The following EIF4A1 variants were observed in gnomAD, a reference collection of about 807,000 sequenced individuals.
EIF4A1 encodes eukaryotic initiation factor 4A-I.
EIF4A1 carries 11 observed loss-of-function variants against 53.5 expected under a neutral mutation model. The observed-to-expected ratio is 0.21, with a 90% CI of 0.13 to 0.34. EIF4A1 has a LOEUF of 0.34. EIF4A1 is among the 10% of genes least tolerant of loss of function. The probability of loss-of-function intolerance (pLI) is 1.00; values close to 1 mark genes in which losing one functional copy is unlikely to be tolerated. For synonymous variants in EIF4A1, 237 were observed against 186.7 expected (o/e 1.27, Z -2.20); for missense variants, 213 against 530.8 (o/e 0.40, Z 5.88).
At chr17:7,574,424 AGGG>A in intron 2 of EIF4A1, 116 bp downstream of exon 2, 1 of 1,604,444 alleles carries the variant, frequency 6.2e-7, no homozygotes, top group Non-Finnish European at 8.5e-7. Context: ...GTTTCCCTAA[AGGG>A]AGGAGGGTTG....
rs1366669109 is a variant in EIF4A1 at position 7,577,207 on chromosome 17, A to C, written c.624+42A>C. The C allele has an allele frequency of 8.9e-6, 14 of 1,567,598 alleles. No individual in the cohort carries two copies. Among genetic ancestry groups the C allele is most frequent in the South Asian group, 1.2e-5 (1 of 82,408 alleles). On this transcript the variant is annotated intron_variant, in intron 6 of 10. Coordinates refer to ENST00000293831, the MANE Select transcript of EIF4A1 (RefSeq NM_001416.4). The surrounding 1 kb of genome is among the most constrained non-coding windows in gnomAD (Gnocchi z 4.7). ...TTGAATAGCTAATGATTCTTGAAAA[A>C]TAGTAAGTGCCAGGGGAACCATATA...
chr17:7,577,481 A>G lies in EIF4A1; in HGVS notation c.762A>G (p.Glu254=), dbSNP rs1051155483. 6.2e-7 allele frequency: 1 copy of G among 1,613,990 alleles called. No individual in the cohort carries two copies. Among genetic ancestry groups the G allele is most frequent in the African/African-American group, 1.3e-5 (1 of 74,900 alleles). ...EGIRQFYINV[E]REEWKLDTLC... ...TCCGCCAGTTCTACATCAACGTGGA[A>G]CGAGAGGTGGGGCCCAGTGCAGGAG... Residue 254 remains glutamate, a synonymous_variant, in exon 7 of 11, where the codon GAA becomes GAG. Coordinates refer to ENST00000293831, the MANE Select transcript of EIF4A1 (RefSeq NM_001416.4). This position sits in a 1 kb window ranked among gnomAD's most constrained non-coding sequence, Gnocchi z 4.7.
At position 7,578,700 on chromosome 17, in the gene EIF4A1, CAAAAAA is replaced by C; in HGVS notation, c.*225_*230del. 2 of 249,652 alleles carry C rather than the reference CAAAAAA, an allele frequency of 8.0e-6. No individual in the cohort carries two copies. The highest frequency in any genetic ancestry group is 5.2e-5 in the African/African-American group (2 of 38,230). The allele number at this position is 249,652 out of a possible 1,614,324, so 15.5% of individuals were successfully genotyped here. A position where few individuals can be genotyped will look rare whatever the true frequency, so the allele number is the denominator to read the frequency against. The stretch of plus-strand genomic sequence containing the variant: ...TTGCCCCAGGCGCCGGCTCTTCTCC[CAAAAAA>C]AAAAAAAAAACACTAATCCATTTCC... On this transcript the variant is annotated 3_prime_UTR_variant, in exon 11 of 11. Transcript: ENST00000293831.
At chr17:7,576,275 T>C (rs1597850121) in intron 4 of EIF4A1, 2 of 384,632 alleles carry the variant, frequency 5.2e-6, no homozygotes, top group Non-Finnish European at 9.2e-6. Flanking sequence ...GAATTAATTA[T>C]CTGAGCGGCC....
rs762627348 is a variant in EIF4A1 at position 7,578,502 on chromosome 17, C to T, written c.*16C>T. ...CCTCATCTGAGGGGCTGTCCTGCCACCCAGCCCCAGCCAGGGCTCAATCTC... is the reference window on the plus strand; with the variant it reads ...CCTCATCTGAGGGGCTGTCCTGCCATCCAGCCCCAGCCAGGGCTCAATCTC... On this transcript the variant is annotated 3_prime_UTR_variant, in exon 11 of 11. Transcript: ENST00000293831. 25 of 1,561,016 alleles carry T rather than the reference C, an allele frequency of 1.6e-5. No homozygotes were observed. Among genetic ancestry groups the T allele is most frequent in the Non-Finnish European group, 2.2e-5 (25 of 1,150,818 alleles).
At chr17:7,575,936 G>GC (rs984063662) in intron 4 of EIF4A1, 1 of 160,254 alleles carries the variant, frequency 6.2e-6, no homozygotes, top group Non-Finnish European at 1.4e-5. Context: ...ACTTTGGGAG[G>GC]CCAAGGCAGG....
intron 4 of EIF4A1, 72 bp from the exon 5 acceptor site, chr17:7,576,452 A>G: frequency 2.0e-6 from 3 of 1,480,012 alleles, no homozygotes; most frequent in Middle Eastern, 1.8e-4. Flanking sequence ...GAATCAATAC[A>G]TGAAAAACAT....
In EIF4A1 at chr17:7,572,875, C is replaced by T. The variant is rs765796609; in HGVS notation, c.23+11C>T. 5 of 1,614,172 alleles carry T rather than the reference C, an allele frequency of 3.1e-6. No homozygotes were observed. Among genetic ancestry groups the T allele is most frequent in the Admixed American group, 1.7e-5 (1 of 60,026 alleles). ...GAGCCAGGATTCCCGGTAAGAAAGG[C>T]ATTTGCAAGAGATTGTGGCTGCTTA... On this transcript the variant is annotated intron_variant, in intron 1 of 10. Coordinates refer to ENST00000293831, the MANE Select transcript of EIF4A1 (RefSeq NM_001416.4).
intron 1 of EIF4A1, chr17:7,573,105 C>T (rs2071346314): frequency 3.2e-6 from 2 of 634,136 alleles, no homozygotes; most frequent in Admixed American, 2.9e-5. Flanking sequence ...GAGGCCTCGA[C>T]CCGAGGCGGT....
Position 7,578,685 on chromosome 17 carries a change from C to T in EIF4A1, c.*199C>T, listed in dbSNP as rs970585586. ...CTTTGGGGTAGGCTCTTGCCCCAGG[C>T]GCCGGCTCTTCTCCCAAAAAAAAAA... On this transcript the variant is annotated 3_prime_UTR_variant, in exon 11 of 11. Transcript: ENST00000293831. 8 of 444,378 alleles carry T rather than the reference C, an allele frequency of 1.8e-5. No individual in the cohort carries two copies. The highest frequency in any genetic ancestry group is 3.9e-5 in the East Asian group (1 of 25,620). The allele number at this position is 444,378 out of a possible 1,614,324, so 27.5% of individuals were successfully genotyped here.
intron 5 of EIF4A1, 175 bp from the exon 6 acceptor site, chr17:7,576,881 C>G (rs1567734785): frequency 1.5e-6 from 2 of 1,340,522 alleles, no homozygotes; most frequent in Non-Finnish European, 2.1e-6. Context: ...TGGCAGTGTC[C>G]TACTTCCCAG....
chr17:7,578,046 G>A (rs1463378463), intron 9 of EIF4A1, 119 bp from the exon 10 acceptor site: 2 of 1,567,788 alleles, frequency 1.3e-6, no homozygotes. Flanking sequence ...GGCCTTTGGG[G>A]AACTGGGATG....
chr17:7,572,975 G>T, intron 1 of EIF4A1, 111 bp downstream of exon 1: 1 of 1,594,630 alleles, frequency 6.3e-7, no homozygotes, highest in Non-Finnish European at 8.6e-7. Flanking sequence ...AAACCGAACC[G>T]GGTGGGGGGA....
At position 7,577,519 on chromosome 17, in the gene EIF4A1, G is replaced by C; in HGVS notation, c.768+32G>C. 6.2e-7 allele frequency: 1 copy of C among 1,613,724 alleles called. No homozygotes were observed. The highest frequency in any genetic ancestry group is 1.1e-5 in the South Asian group (1 of 91,042). ...CCCAGTGCAGGAGGCGGGCCTGGTAGTGAGTTGTTGGGTATAGCCCCTGAC... is the reference window on the plus strand; with the variant it reads ...CCCAGTGCAGGAGGCGGGCCTGGTACTGAGTTGTTGGGTATAGCCCCTGAC... On this transcript the variant is annotated intron_variant, in intron 7 of 10. Coordinates refer to ENST00000293831, the MANE Select transcript of EIF4A1 (RefSeq NM_001416.4). This position sits in a 1 kb window ranked among gnomAD's most constrained non-coding sequence, Gnocchi z 4.7.
At chr17:7,578,277 TTCAC>T in intron 10 of EIF4A1, 33 bp downstream of exon 10, 1 of 1,614,082 alleles carries the variant, frequency 6.2e-7, no homozygotes, top group Non-Finnish European at 8.5e-7. Context: ...CCCCTACCCC[TTCAC>T]ACCTGGCCCT....
chr17:7,573,153 G>A (rs1241428842), intron 1 of EIF4A1: 2 of 573,454 alleles, frequency 3.5e-6, no homozygotes, highest in Non-Finnish European at 6.2e-6. Context: ...GGCGAGACGG[G>A]GTCGCGACCT....
rs988768216 is a variant in EIF4A1, at chr17:7,575,504, CTG to C, written c.345+250_345+251del. ...AGCCTGGCTGGCTGGGCAAGTTTGA[CTG>C]TGTTCTGAATAAGCACCTTCACTAT... On this transcript the variant is annotated intron_variant, in intron 4 of 10. Coordinates refer to ENST00000293831, the MANE Select transcript of EIF4A1 (RefSeq NM_001416.4). The C allele has an allele frequency of 8.2e-5, 51 of 623,070 alleles. 1 individual carries two copies. The highest frequency in any genetic ancestry group is 7.4e-4 in the African/African-American group (41 of 55,230). 38.6% of individuals were successfully genotyped at this position (623,070 alleles called of 1,614,324 possible).
chr17:7,574,186 G>T (rs986008059), intron 1 of EIF4A1, 74 bp from the exon 2 acceptor site: 2 of 1,590,988 alleles, frequency 1.3e-6, no homozygotes, highest in Non-Finnish European at 1.7e-6. Context: ...GGCCACTCCT[G>T]ACAGAGCCCG....
rs1470564936 is a variant in EIF4A1 at position 7,574,245 on chromosome 17, G to C, written c.24-15G>C. The C allele has an allele frequency of 6.2e-7, 1 of 1,614,124 alleles. No individual in the cohort carries two copies. The highest frequency in any genetic ancestry group is 8.5e-7 in the Non-Finnish European group (1 of 1,180,032). On this transcript the variant is annotated splice_polypyrimidine_tract_variant and intron_variant, in intron 1 of 10. Transcript: ENST00000293831. ...CGGTCGGGCAGGGGACAAAACTTATGCTTTAAACCAACAGATCCAGAGACA... is the reference window on the plus strand; with the variant it reads ...CGGTCGGGCAGGGGACAAAACTTATCCTTTAAACCAACAGATCCAGAGACA...
Sources: gnomAD v4.1 joint callset for allele counts on GRCh38, gnomAD v4.1.1 for gene constraint, Gnocchi (gnomAD v3.1) non-coding constraint, MANE v1.5 for transcripts, NCBI Gene and HGNC (gene_info 2026-07-23, HGNC 2026-07-21) for gene names.